The following THRB variants were observed in gnomAD, a reference collection of about 807,000 sequenced individuals.
The protein encoded by THRB is thyroid hormone receptor beta, also known as nuclear receptor subfamily 1 group A member 2.
A neutral mutation model predicts 47.8 loss-of-function variants in THRB; 12 were observed. That is an observed-to-expected ratio of 0.25 (90% CI 0.16 to 0.41). THRB has a LOEUF of 0.41. THRB is among the 10% of genes least tolerant of loss of function. The pLI, the probability that THRB is intolerant of heterozygous loss-of-function variation, is 1.00. For synonymous variants in THRB, 218 were observed against 212.2 expected, an observed-to-expected ratio of 1.03 and a Z score of -0.24; for missense variants, 348 against 589.2, an observed-to-expected ratio of 0.59 and a Z score of 4.24.
chr3:24,306,999 A>G (rs1400458612), intron 2 of THRB, among the ~76,000 whole-genome samples: 1 of 152,016 alleles, frequency 6.6e-6, no homozygotes, highest in Non-Finnish European at 1.5e-5. Context: ...TTTTTTTCTC[A>G]AAATAAAAAA....
chr3:24,374,309 A>G (rs1213086459), intron 1 of THRB, among the ~76,000 whole-genome samples: 1 of 152,164 alleles, frequency 6.6e-6, no homozygotes, highest in Admixed American at 6.6e-5. Context: ...CTTATACTCA[A>G]GAACATATTT....
At chr3:24,375,577 T>C (rs932627440) in intron 1 of THRB, among the ~76,000 whole-genome samples, 1 of 149,328 alleles carries the variant, frequency 6.7e-6, no homozygotes, top group Admixed American at 6.7e-5. Context: ...TATATTGATA[T>C]ACAGAATAAA....
At chr3:24,270,402 G>A (rs888167614) in intron 3 of THRB, among the ~76,000 whole-genome samples, 3 of 152,196 alleles carry the variant, frequency 2.0e-5, no homozygotes, top group African/African-American at 7.2e-5. Context: ...TCAGAGATGA[G>A]CTGGAAATCC....
chr3:24,313,220 C>A (rs2057878384), intron 2 of THRB, among the ~76,000 whole-genome samples: 1 of 152,320 alleles, frequency 6.6e-6, no homozygotes, highest in African/African-American at 2.4e-5. Context: ...CAGTCTCCAA[C>A]CTTCTCTCTT....
At chr3:24,409,778 A>G (rs142203630) in intron 1 of THRB, among the ~76,000 whole-genome samples, 24 of 151,956 alleles carry the variant, frequency 1.6e-4, no homozygotes, top group African/African-American at 5.8e-4. Context: ...CCATGCAGCT[A>G]CAACTGTAGA....
In THRB at chr3:24,218,545, G is replaced by GTT. The variant is rs138653166; in HGVS notation, c.22+10391_22+10392dup. Among the ~76,000 whole-genome samples the GTT allele has an allele frequency of 6.7e-5, 10 of 148,162 alleles. 1 individual carries two copies. In the East Asian group the frequency reaches 7.9e-4, roughly 12 times the overall value. Reference sequence around the variant, plus strand: ...AAAGTACAAACACTCATTTACATTTGTTTTTTTTTTCCATTGTAGGATCGT... The same window carrying GTT: ...AAAGTACAAACACTCATTTACATTTGTTTTTTTTTTTTCCATTGTAGGATCGT... On this transcript the variant is annotated intron_variant, in intron 4 of 10. Coordinates refer to ENST00000646209, the MANE Select transcript of THRB (RefSeq NM_001354712.2).
chr3:24,214,818 T>C (rs568333911), intron 4 of THRB, among the ~76,000 whole-genome samples: 1 of 152,354 alleles, frequency 6.6e-6, no homozygotes, highest in South Asian at 2.1e-4. Context: ...GCCACCAGTC[T>C]TGAAGAGGGC....
chr3:24,232,937 A>G (rs1390450979), intron 3 of THRB, among the ~76,000 whole-genome samples: 1 of 152,190 alleles, frequency 6.6e-6, no homozygotes, highest in Non-Finnish European at 1.5e-5. Context: ...TCCATTTTAT[A>G]AGCTGGTTGG....
intron 1 of THRB, among the ~76,000 whole-genome samples, chr3:24,392,136 A>G (rs1392202749): frequency 6.6e-6 from 1 of 152,162 alleles, no homozygotes; most frequent in East Asian, 1.9e-4. Context: ...GGAAACCACC[A>G]TTATATTACT....
intron 1 of THRB, among the ~76,000 whole-genome samples, chr3:24,382,983 G>A (rs936909924): frequency 1.2e-4 from 18 of 151,976 alleles, no homozygotes; most frequent in African/African-American, 7.2e-5. Flanking sequence ...GCCTCTATCC[G>A]GAACATTCCC....
chr3:24,441,613 T>C (rs1219579267), intron 1 of THRB, among the ~76,000 whole-genome samples: 1 of 152,202 alleles, frequency 6.6e-6, no homozygotes, highest in Non-Finnish European at 1.5e-5. Context: ...AGGCAATAAA[T>C]GTAAAACATA....
chr3:24,218,311 A>C lies in THRB; in HGVS notation c.22+10627T>G, dbSNP rs140258928. ...AAAAAAAATTTCCATAAAGAATAAC[A>C]AATAAATTTTTTGTCTCTCTCTCTC... On this transcript the variant is annotated intron_variant, in intron 4 of 10. Transcript: ENST00000646209. Among the ~76,000 whole-genome samples, 231 of 150,582 alleles carry C rather than the reference A, an allele frequency of 1.5e-3. 2 individuals carry two copies. Among genetic ancestry groups the C allele is most frequent in the African/African-American group, 5.4e-3 (221 of 40,766 alleles).
chr3:24,339,952 A>G (rs988264982), intron 1 of THRB, among the ~76,000 whole-genome samples: 2 of 152,322 alleles, frequency 1.3e-5, no homozygotes, highest in African/African-American at 4.8e-5. Context: ...TTGTAGTTTC[A>G]AAGGAATCTG....
chr3:24,156,727 A>G (rs1318732405), intron 5 of THRB, among the ~76,000 whole-genome samples: 2 of 152,030 alleles, frequency 1.3e-5, no homozygotes, highest in Non-Finnish European at 2.9e-5. Context: ...GTATTTTGTC[A>G]CCCTTCAGGA....
chr3:24,183,697 T>A (rs1001016594), intron 5 of THRB, among the ~76,000 whole-genome samples: 3 of 141,976 alleles, frequency 2.1e-5, no homozygotes, highest in East Asian at 2.0e-4. Context: ...TTTTTTTTTT[T>A]AAATTAAATC....
At chr3:24,130,018 C>T (rs2033582524) in intron 9 of THRB, among the ~76,000 whole-genome samples, 1 of 152,204 alleles carries the variant, frequency 6.6e-6, no homozygotes, top group South Asian at 2.1e-4. Flanking sequence ...CTCCAGCCCA[C>T]TCCATGGGTA....
At chr3:24,139,583 G>A (rs2035173045) in intron 8 of THRB, among the ~76,000 whole-genome samples, 1 of 151,906 alleles carries the variant, frequency 6.6e-6, no homozygotes, top group Non-Finnish European at 1.5e-5. Flanking sequence ...ATGGAGTCTC[G>A]CTATGTTTAC....
At chr3:24,276,138 C>T (rs189452970) in intron 3 of THRB, among the ~76,000 whole-genome samples, 2 of 151,842 alleles carry the variant, frequency 1.3e-5, no homozygotes, top group African/African-American at 4.8e-5. Flanking sequence ...CAAGTTTAAA[C>T]ATCTATTGTG....
chr3:24,300,575 A>G (rs1027682752), intron 2 of THRB, among the ~76,000 whole-genome samples: 2 of 152,164 alleles, frequency 1.3e-5, no homozygotes, highest in African/African-American at 2.4e-5. Context: ...GCTGGGTCAT[A>G]TATGATATCT....
Sources: allele counts gnomAD v4.1 joint callset (sites outside exome capture counted in the v4.1 genomes callset), GRCh38; gene constraint gnomAD v4.1.1; transcripts MANE v1.5; gene names NCBI Gene and HGNC (gene_info 2026-07-23, HGNC 2026-07-21).